The following PPP2R1A variants were observed in gnomAD, a reference collection of about 807,000 sequenced individuals.
PPP2R1A encodes protein phosphatase 2 scaffold subunit Aalpha, also known as serine/threonine-protein phosphatase 2A 65 kDa regulatory subunit A alpha isoform.
Under a neutral mutation model 67.1 loss-of-function variants are expected in PPP2R1A, and 15 were observed. The ratio of observed to expected loss-of-function variants is 0.22; its 90% CI spans 0.15 to 0.34. PPP2R1A has a LOEUF of 0.34. Among genes scored for constraint, PPP2R1A ranks in the 10% least tolerant of loss-of-function variants. The pLI, the probability that PPP2R1A is intolerant of heterozygous loss-of-function variation, is 1.00. For missense variants in PPP2R1A, 369 were observed against 775.0 expected, an observed-to-expected ratio of 0.48 and a Z score of 6.22; for synonymous variants, 337 against 325.0, an observed-to-expected ratio of 1.04 and a Z score of -0.40.
At chr19:52,202,956 C>T (rs2089566485) in intron 2 of PPP2R1A, among the ~76,000 whole-genome samples, 1 of 152,258 alleles carries the variant, frequency 6.6e-6, no homozygotes, top group African/African-American at 2.4e-5. Flanking sequence ...ATTTAATACA[C>T]TGTCTGACAC....
intron 9 of PPP2R1A, among the ~76,000 whole-genome samples, chr19:52,217,056 G>A (rs1978618549): frequency 6.6e-6 from 1 of 152,138 alleles, no homozygotes. Context: ...CAGGCATGGT[G>A]GCGAGTGCCT....
chr19:52,196,052 T>C (rs989226213), intron 1 of PPP2R1A, among the ~76,000 whole-genome samples: 2 of 152,148 alleles, frequency 1.3e-5, no homozygotes, highest in African/African-American at 2.4e-5. Context: ...AACATTAGCA[T>C]ACAAAAAGCG....
At chr19:52,207,630 G>A (rs376437323) in intron 3 of PPP2R1A, among the ~76,000 whole-genome samples, 2 of 152,214 alleles carry the variant, frequency 1.3e-5, no homozygotes, top group Non-Finnish European at 1.5e-5. Context: ...CCAGAGAAGA[G>A]TTAGATCAGA....
intron 9 of PPP2R1A, among the ~76,000 whole-genome samples, chr19:52,218,895 T>C (rs1400047067): frequency 1.3e-5 from 2 of 152,216 alleles, no homozygotes; most frequent in Non-Finnish European, 2.9e-5. Context: ...GCAGCTTCTC[T>C]TAGAAGAAAA....
At chr19:52,198,398 G>A (rs2089515723) in intron 1 of PPP2R1A, among the ~76,000 whole-genome samples, 1 of 152,154 alleles carries the variant, frequency 6.6e-6, no homozygotes, top group Non-Finnish European at 1.5e-5. Context: ...ATTGTCATGG[G>A]CCCACCTCTT....
At position 52,228,403 on chromosome 19, in the gene PPP2R1A, C is replaced by G. The variant is rs1979386766; in HGVS notation, c.*2422C>G. 6.6e-6 allele frequency: 1 copy of G among 152,198 alleles called. No homozygotes were observed. Among genetic ancestry groups the G allele is most frequent in the African/African-American group, 2.4e-5 (1 of 41,436 alleles). The allele number at this position is 152,198 out of a possible 1,614,324, so 9.4% of individuals were successfully genotyped here. ...AGCAGAGCCCGAGTGGAGACTCGTT[C>G]AAGTGTGTTACTGAGGGAGTGCTCT... On this transcript the variant is annotated 3_prime_UTR_variant, in exon 15 of 15. Transcript: ENST00000322088.
Position 52,228,341 on chromosome 19 carries a change from C to T in PPP2R1A, c.*2360C>T, listed in dbSNP as rs1979383952. 6.6e-6 allele frequency: 1 copy of T among 152,154 alleles called. No individual in the cohort carries two copies. The highest frequency in any genetic ancestry group is 2.4e-5 in the African/African-American group (1 of 41,412). 9.4% of individuals were successfully genotyped at this position (152,154 alleles called of 1,614,324 possible). A position where few individuals can be genotyped will look rare whatever the true frequency, so the allele number is the denominator to read the frequency against. ...AACGCTGGCAGAGTCCTGAGTTAAC[C>T]AGGAGTTGCCTGGTGTCTTGGGTCA... is the stretch of plus-strand genomic sequence containing the variant. On this transcript the variant is annotated 3_prime_UTR_variant, in exon 15 of 15. Coordinates refer to ENST00000322088, the MANE Select transcript of PPP2R1A (RefSeq NM_014225.6).
intron 14 of PPP2R1A, 62 bp downstream of exon 14, chr19:52,225,870 C>T: frequency 6.2e-7 from 1 of 1,612,366 alleles, no homozygotes; most frequent in Non-Finnish European, 8.5e-7. Context: ...GGCACTGGGC[C>T]TGTGGGCAGC....
intron 13 of PPP2R1A, among the ~76,000 whole-genome samples, chr19:52,222,984 A>G (rs1358213288): frequency 6.6e-6 from 1 of 152,248 alleles, no homozygotes; most frequent in Non-Finnish European, 1.5e-5. Flanking sequence ...TTAGTGGAAA[A>G]TTGACACTTC....
chr19:52,208,816 T>C (rs1687574382), intron 3 of PPP2R1A, among the ~76,000 whole-genome samples: 1 of 152,198 alleles, frequency 6.6e-6, no homozygotes, highest in East Asian at 1.9e-4. Flanking sequence ...CCTAACTCTT[T>C]TGGAATTATG....
chr19:52,229,003 C>T lies in PPP2R1A; in HGVS notation c.*3022C>T, dbSNP rs1979414220. 1.3e-5 allele frequency: 2 copies of T among 152,182 alleles called. No homozygotes were observed. Among genetic ancestry groups the T allele is most frequent in the Admixed American group, 1.3e-4 (2 of 15,262 alleles). The allele number at this position is 152,182 out of a possible 1,614,324, so 9.4% of individuals were successfully genotyped here. On this transcript the variant is annotated 3_prime_UTR_variant, in exon 15 of 15. Coordinates refer to ENST00000322088, the MANE Select transcript of PPP2R1A (RefSeq NM_014225.6). ...TCGCTAGAGGAGAATTACCATGGCT[C>T]CCCCGGGCAGATGAAGATGACGAGG... is the stretch of plus-strand genomic sequence containing the variant.
Position 52,226,636 on chromosome 19 carries a change from C to T in PPP2R1A, c.*655C>T, listed in dbSNP as rs1417270207. 8.2e-5 allele frequency: 15 copies of T among 182,078 alleles called. No individual in the cohort carries two copies. The East Asian group carries it at 1.4e-3, about 17-fold the overall frequency. 11.3% of individuals were successfully genotyped at this position (182,078 alleles called of 1,614,324 possible). ...GGTGTCCTGTAGTGCAGTTCAGATT[C>T]ATAGATGTCGGCCGAGTATTTGGGG... On this transcript the variant is annotated 3_prime_UTR_variant, in exon 15 of 15. Transcript: ENST00000322088.
intron 2 of PPP2R1A, among the ~76,000 whole-genome samples, chr19:52,203,496 G>C (rs932416022): frequency 6.6e-6 from 1 of 152,158 alleles, no homozygotes; most frequent in African/African-American, 2.4e-5. Context: ...ACCTCTCTTA[G>C]CCTCATTTCC....
chr19:52,206,157 G>A lies in PPP2R1A; in HGVS notation c.270+94G>A, dbSNP rs73935028. ...CAGGGAGGGGAGCGTGTCAGAGAGC[G>A]TGGGGATCACGTCAGAACAGCCGGG... On this transcript the variant is annotated intron_variant, in intron 3 of 14. Coordinates refer to ENST00000322088, the MANE Select transcript of PPP2R1A (RefSeq NM_014225.6). 2,722 of 1,125,230 alleles carry A rather than the reference G, an allele frequency of 2.4e-3. 41 individuals carry two copies. The African/African-American group carries it at 0.037, about 15-fold the overall frequency. The allele number at this position is 1,125,230 out of a possible 1,614,324, so 69.7% of individuals were successfully genotyped here. A position where few individuals can be genotyped will look rare whatever the true frequency, so the allele number is the denominator to read the frequency against.
chr19:52,201,740 T>G (rs1449241077), intron 1 of PPP2R1A: 4 of 562,366 alleles, frequency 7.1e-6, no homozygotes, highest in Admixed American at 3.0e-5. Context: ...TTGCATTTGT[T>G]GCTGCTGCCA....
chr19:52,208,384 G>C (rs370440524), intron 3 of PPP2R1A, among the ~76,000 whole-genome samples: 1 of 152,016 alleles, frequency 6.6e-6, no homozygotes, highest in South Asian at 2.1e-4. Context: ...GGTCAGATTA[G>C]TCTCGGAATC....
rs372112296 is a variant in PPP2R1A at position 52,211,227 on chromosome 19, G to A, written c.271-33G>A. 18 of 1,596,742 alleles carry A rather than the reference G, an allele frequency of 1.1e-5. No homozygotes were observed. The African/African-American group carries it at 2.0e-4, about 18-fold the overall frequency. On this transcript the variant is annotated intron_variant, in intron 3 of 14. Transcript: ENST00000322088. The surrounding 1 kb of genome is among the most constrained non-coding windows in gnomAD (Gnocchi z 5.3). ...TCCAGGGCTGCGGATGGTGGAGAGGGAGCTGTCCAGTGACTTTGTGTTCTC... is the reference window on the plus strand; with the variant it reads ...TCCAGGGCTGCGGATGGTGGAGAGGAAGCTGTCCAGTGACTTTGTGTTCTC...
At chr19:52,203,411 G>GA (rs1426564995) in intron 2 of PPP2R1A, among the ~76,000 whole-genome samples, 1 of 152,164 alleles carries the variant, frequency 6.6e-6, no homozygotes, top group Non-Finnish European at 1.5e-5. Context: ...AGTTGTAGAG[G>GA]AAAAATGTTG....
At position 52,219,825 on chromosome 19, in the gene PPP2R1A, G is replaced by T; in HGVS notation, c.1263G>T (p.Leu421=). 1 of 1,612,678 alleles carries T rather than the reference G, an allele frequency of 6.2e-7. No individual in the cohort carries two copies. Residue 421 remains leucine (L), a synonymous_variant, in exon 10 of 15, where the codon CTG becomes CTT. Coordinates refer to ENST00000322088, the MANE Select transcript of PPP2R1A (RefSeq NM_014225.6). The surrounding 1 kb of genome is among the most constrained non-coding windows in gnomAD (Gnocchi z 4.0). ...LAEDAKWRVR[L]AIIEYMPLLA... ...AGGACGCCAAGTGGCGGGTGCGGCTGGCCATCATTGAGTACATGCCCCTCC... is the reference window on the plus strand; with the variant it reads ...AGGACGCCAAGTGGCGGGTGCGGCTTGCCATCATTGAGTACATGCCCCTCC...
Sources: allele counts gnomAD v4.1 joint callset (sites outside exome capture counted in the v4.1 genomes callset), GRCh38; gene constraint gnomAD v4.1.1; non-coding constraint Gnocchi (gnomAD v3.1); transcripts MANE v1.5; gene names NCBI Gene and HGNC (gene_info 2026-07-23, HGNC 2026-07-21).